PARP4: variants seen among roughly 807,000 people sequenced by gnomAD.
PARP4 encodes poly(ADP-ribose) polymerase family member 4.
In PARP4, 120 loss-of-function variants were observed where a neutral mutation model predicts 187.7. That is an observed-to-expected ratio of 0.64 (90% CI 0.55 to 0.74). The LOEUF (loss-of-function observed/expected upper bound fraction) is 0.74. Ranked by LOEUF, PARP4 falls within the 30% of genes least tolerant of loss-of-function variation. The pLI is 0.00. For synonymous variants in PARP4, 654 were observed against 740.9 expected (o/e 0.88, Z 1.90); for missense variants, 1,836 against 2,070.5 (o/e 0.89, Z 2.20).
chr13:24,459,360 CAAT>C (rs1872065187), intron 18 of PARP4, 50 bp from the exon 19 acceptor site: 1 of 1,449,576 alleles, frequency 6.9e-7, no homozygotes, highest in Admixed American at 2.3e-5. Context: ...TTAAGTTTCA[CAAT>C]GAGACTAAAG....
intron 12 of PARP4, among the ~76,000 whole-genome samples, chr13:24,483,067 C>T (rs541887713): frequency 1.0e-3 from 154 of 151,802 alleles, no homozygotes; most frequent in African/African-American, 3.6e-3. Context: ...GTCTCCCAAG[C>T]TGGATGTAGT....
chr13:24,484,380 A>G (rs1445108623), intron 12 of PARP4, among the ~76,000 whole-genome samples: 6 of 152,008 alleles, frequency 3.9e-5, no homozygotes, highest in Non-Finnish European at 7.4e-5. Flanking sequence ...GCTATGCTGC[A>G]TAGGCTGGTC....
chr13:24,454,032 G>A (rs1285114328), intron 22 of PARP4, among the ~76,000 whole-genome samples: 2 of 151,712 alleles, frequency 1.3e-5, no homozygotes, highest in African/African-American at 4.8e-5. Context: ...GGGAGGCAGA[G>A]GTTGCAGTGA....
At chr13:24,427,040 ATAT>A (rs1870097154) in intron 32 of PARP4, among the ~76,000 whole-genome samples, 1 of 152,102 alleles carries the variant, frequency 6.6e-6, no homozygotes, top group African/African-American at 2.4e-5. Context: ...TGTGCCTATG[ATAT>A]TATCCTGATC....
chr13:24,433,994 T>C (rs1351715628), intron 31 of PARP4, among the ~76,000 whole-genome samples: 18 of 151,518 alleles, frequency 1.2e-4, no homozygotes, highest in Non-Finnish European at 1.5e-5. Flanking sequence ...ATATTTAGAG[T>C]ACAGGTACAA....
intron 1 of PARP4, 146 bp from the exon 2 acceptor site, chr13:24,503,923 T>C (rs1869456127): frequency 5.9e-6 from 4 of 673,888 alleles, no homozygotes; most frequent in South Asian, 1.9e-5. Context: ...ATTGCAAAAA[T>C]TGAATAATAT....
rs200275267 is a variant in PARP4 at position 24,494,605 on chromosome 13, C to T, written c.709G>A (p.Ala237Thr). The stretch of plus-strand genomic sequence containing the variant: ...AATTGTTCAGATGCTAATTGGGTTG[C>T]TTCAGGTGTGAAATGTTCTCTTAGT... ...FLLREHFTPE[A>T]TQLASEQLQA... Residue 237 changes from alanine (A) to threonine (T), a missense_variant, in exon 7 of 34, where the codon GCA becomes ACA. Physicochemically the swap from Ala to Thr is moderately conservative, Grantham distance 58. Transcript: ENST00000381989. 3.1e-6 allele frequency: 5 copies of T among 1,611,276 alleles called. No homozygotes were observed. The Middle Eastern group carries it at 5.0e-4, about 160-fold the overall frequency.
chr13:24,511,996 GTC>G (rs1448409210), intron 1 of PARP4, among the ~76,000 whole-genome samples: 2 of 152,192 alleles, frequency 1.3e-5, no homozygotes, highest in Admixed American at 1.3e-4. Context: ...GATGTAATGA[GTC>G]TGCAACACGC....
chr13:24,440,016 A>T (rs1424582450), intron 30 of PARP4, among the ~76,000 whole-genome samples: 2 of 151,664 alleles, frequency 1.3e-5, no homozygotes, highest in Non-Finnish European at 2.9e-5. Flanking sequence ...ACTACTCCTG[A>T]CTCCCCAAAC....
At chr13:24,498,264 C>T (rs777663783) in intron 5 of PARP4, 35 bp from the exon 6 acceptor site, 59 of 1,315,920 alleles carry the variant, frequency 4.5e-5, no homozygotes, top group African/African-American at 5.8e-5. Flanking sequence ...AAGCTGCACT[C>T]GGGAAACATC....
intron 1 of PARP4, among the ~76,000 whole-genome samples, chr13:24,510,097 G>A (rs73154400): frequency 0.036 from 5,415 of 152,164 alleles, 130 homozygotes; most frequent in Non-Finnish European, 0.054. Context: ...ATAGCCAGTT[G>A]CTCTTTACTT....
At position 24,455,086 on chromosome 13, in the gene PARP4, G is replaced by T; in HGVS notation, c.2689C>A (p.Gln897Lys). The change falls in exon 22 of 34, where the codon CAA becomes AAA. Residue 897 changes from glutamine to lysine, a missense_variant. Transcript: ENST00000381989. ...AAGGACAGCGCATGCAAGGCGATTT[G>T]CTTGGCTTGCAAGAATGTCACACCC... ...MEGVTFLQAK[Q>K]IALHALSLVG... The T allele has an allele frequency of 6.2e-7, 1 of 1,613,174 alleles. No individual in the cohort carries two copies.
At chr13:24,424,354 T>G (rs932662189) in intron 33 of PARP4, among the ~76,000 whole-genome samples, 24 of 152,192 alleles carry the variant, frequency 1.6e-4, no homozygotes, top group Admixed American at 6.5e-5. Context: ...GTTCTGCTCC[T>G]CAACCTTTTT....
intron 1 of PARP4, among the ~76,000 whole-genome samples, chr13:24,510,916 C>T (rs1869981252): frequency 6.6e-6 from 1 of 152,152 alleles, no homozygotes; most frequent in Admixed American, 6.6e-5. Flanking sequence ...TTCACCCGGC[C>T]TACTTAGTAG....
chr13:24,505,111 C>T (rs888857014), intron 1 of PARP4, among the ~76,000 whole-genome samples: 5 of 151,316 alleles, frequency 3.3e-5, no homozygotes, highest in African/African-American at 4.9e-5. Flanking sequence ...CTCTGCCTTC[C>T]GGGAAGAGAA....
chr13:24,463,903 A>G (rs7318212), intron 17 of PARP4, among the ~76,000 whole-genome samples: 77,340 of 151,936 alleles, frequency 0.51, 20,009 homozygotes, highest in South Asian at 0.65. Flanking sequence ...AAACCCCATC[A>G]TCTCAGCCCA....
At chr13:24,484,828 T>C (rs983546939) in intron 11 of PARP4, 80 bp from the exon 12 acceptor site, 3 of 888,944 alleles carry the variant, frequency 3.4e-6, no homozygotes, top group Non-Finnish European at 3.7e-6. Flanking sequence ...GGCAGGTTCC[T>C]ACTGAACTTC....
rs77522320 is a variant in PARP4 at position 24,512,258 on chromosome 13, T to C, written c.-2+448A>G. ...AACAAACACATTGTTTCTATCACGG[T>C]GTTCCCAATGACTCACGAGGTCAGA... On this transcript the variant is annotated intron_variant, in intron 1 of 33. Transcript: ENST00000381989. Among the ~76,000 whole-genome samples the C allele has an allele frequency of 6.4e-3, 968 of 152,368 alleles. 4 individuals are homozygous for C. Among genetic ancestry groups the C allele is most frequent in the Non-Finnish European group, 0.01 (709 of 68,026 alleles).
intron 3 of PARP4, among the ~76,000 whole-genome samples, chr13:24,500,633 G>C (rs1404787625): frequency 6.6e-6 from 1 of 152,178 alleles, no homozygotes; most frequent in Admixed American, 6.5e-5. Context: ...CTCATTGATA[G>C]CCATACAATT....
Sources: allele counts gnomAD v4.1 joint callset (sites outside exome capture counted in the v4.1 genomes callset), GRCh38; gene constraint gnomAD v4.1.1; transcripts MANE v1.5; gene names NCBI Gene and HGNC (gene_info 2026-07-23, HGNC 2026-07-21).